The following PLXNA4 variants were observed in gnomAD, a reference collection of about 807,000 sequenced individuals.
PLXNA4 encodes plexin-A4.
Under a neutral mutation model 191.8 loss-of-function variants are expected in PLXNA4, and 44 were observed. The observed-to-expected ratio is 0.23, with a 90% CI of 0.18 to 0.29. The LOEUF is 0.29. Among genes scored for constraint, PLXNA4 ranks in the 10% least tolerant of loss-of-function variants. The probability of loss-of-function intolerance (pLI) is 1.00; values close to 1 mark genes in which losing one functional copy is unlikely to be tolerated. For synonymous variants in PLXNA4, 1,082 were observed against 1,009.5 expected (o/e 1.07, Z -1.36); for missense variants, 1,800 against 2,488.8 (o/e 0.72, Z 5.89).
At position 132,405,311 on chromosome 7, in the gene PLXNA4, C is replaced by T. The variant is rs536764387; in HGVS notation, c.1371+83981G>A. Among the ~76,000 whole-genome samples, 69 of 152,204 alleles carry T rather than the reference C, an allele frequency of 4.5e-4. No individual in the cohort carries two copies. In the South Asian group the frequency reaches 0.014, roughly 30 times the overall value. ...TTGGGTTCCTTGTACACTGATGAGG[C>T]AGGACTAGGCTGTGCCTACAGCTGC... On this transcript the variant is annotated intron_variant, in intron 3 of 31. Transcript: ENST00000321063.
intron 3 of PLXNA4, among the ~76,000 whole-genome samples, chr7:132,488,003 C>G (rs1187058314): frequency 2.0e-5 from 3 of 152,190 alleles, no homozygotes; most frequent in African/African-American, 7.2e-5. Flanking sequence ...ACACTGAAGG[C>G]GGTCCACTCA....
chr7:132,150,887 C>T (rs368625016), intron 25 of PLXNA4, among the ~76,000 whole-genome samples: 3 of 152,152 alleles, frequency 2.0e-5, no homozygotes, highest in Non-Finnish European at 2.9e-5. Context: ...ACAGCCTGGG[C>T]GGCCATACTC....
chr7:132,511,227 C>T (rs1335477618), intron 1 of PLXNA4, among the ~76,000 whole-genome samples: 1 of 152,204 alleles, frequency 6.6e-6, no homozygotes, highest in African/African-American at 2.4e-5. Context: ...CATGCAAATA[C>T]TTTCACATAG....
At chr7:132,135,061 C>T (rs1231141844) in intron 30 of PLXNA4, among the ~76,000 whole-genome samples, 1 of 152,176 alleles carries the variant, frequency 6.6e-6, no homozygotes, top group Admixed American at 6.5e-5. Context: ...TATAGTGGGA[C>T]ACCAGAGATT....
intron 4 of PLXNA4, among the ~76,000 whole-genome samples, chr7:132,266,069 C>T (rs1163438233): frequency 6.6e-6 from 1 of 152,170 alleles, no homozygotes; most frequent in Non-Finnish European, 1.5e-5. Context: ...AGCCTTGTTT[C>T]CCTATGTTCA....
intron 2 of PLXNA4, among the ~76,000 whole-genome samples, chr7:132,614,458 G>A (rs1328026983): frequency 4.6e-5 from 7 of 152,236 alleles, no homozygotes; most frequent in African/African-American, 1.7e-4. Flanking sequence ...GACAGCGGGT[G>A]AACTTGGAAC....
chr7:132,385,378 T>G, intron 3 of PLXNA4: 1 of 1,478,754 alleles, frequency 6.8e-7, no homozygotes, highest in Non-Finnish European at 9.0e-7. Context: ...TCCTCCTTTC[T>G]GTTTACAGTA....
At chr7:132,592,604 T>C (rs1802621957) in intron 2 of PLXNA4, among the ~76,000 whole-genome samples, 1 of 152,014 alleles carries the variant, frequency 6.6e-6, no homozygotes, top group Non-Finnish European at 1.5e-5. Context: ...GGGGTCCCCT[T>C]TAGCTCCCTT....
At chr7:132,515,950 C>T (rs1203964753) in intron 1 of PLXNA4, among the ~76,000 whole-genome samples, 1 of 152,194 alleles carries the variant, frequency 6.6e-6, no homozygotes, top group Non-Finnish European at 1.5e-5. Flanking sequence ...TATATTGCCC[C>T]TCTTTTCTCC....
chr7:132,539,680 C>T (rs1381045583), intron 1 of PLXNA4, among the ~76,000 whole-genome samples: 2 of 152,204 alleles, frequency 1.3e-5, no homozygotes, highest in Non-Finnish European at 2.9e-5. Context: ...GAACCTATTT[C>T]ACAGGGTTGT....
intron 1 of PLXNA4, among the ~76,000 whole-genome samples, chr7:132,525,256 T>C (rs1799353527): frequency 6.6e-6 from 1 of 152,200 alleles, no homozygotes; most frequent in Non-Finnish European, 1.5e-5. Context: ...GGTGTCTTTT[T>C]GTTTTGTTTT....
At chr7:132,249,106 G>C (rs1336569469) in intron 4 of PLXNA4, among the ~76,000 whole-genome samples, 1 of 152,276 alleles carries the variant, frequency 6.6e-6, no homozygotes, top group African/African-American at 2.4e-5. Flanking sequence ...CAGGGCATGA[G>C]GCTTGGGGAG....
chr7:132,510,912 C>G (rs1381121118), intron 1 of PLXNA4, among the ~76,000 whole-genome samples: 1 of 152,178 alleles, frequency 6.6e-6, no homozygotes. Context: ...GCCAGGATGT[C>G]ACTGGGAAGT....
intron 18 of PLXNA4, 112 bp downstream of exon 18, chr7:132,181,269 T>A: frequency 6.5e-7 from 1 of 1,538,464 alleles, no homozygotes; most frequent in Non-Finnish European, 8.8e-7. Context: ...CACTGCAACC[T>A]CTGCAAGAGA....
At chr7:132,256,428 T>TTTGGG (rs1799434088) in intron 4 of PLXNA4, among the ~76,000 whole-genome samples, 1 of 151,948 alleles carries the variant, frequency 6.6e-6, no homozygotes. Context: ...GTGGGGCTGG[T>TTTGGG]TTGGGTTGTG....
chr7:132,181,500 C>T lies in PLXNA4; in HGVS notation c.3373G>A (p.Val1125Ile), dbSNP rs544769667. 1.4e-5 allele frequency: 23 copies of T among 1,614,102 alleles called. No homozygotes were observed. In the Admixed American group the frequency reaches 1.5e-4, roughly 11 times the overall value. Reference sequence around the variant, plus strand: ...TTGTTGAGGATGAGCAGGGACTGGACGTTGTCCAGGATGAAGCCAAACTCC... The same window carrying T: ...TTGTTGAGGATGAGCAGGGACTGGATGTTGTCCAGGATGAAGCCAAACTCC... ...PEEFGFILDN[V>I]QSLLILNKTN... Residue 1125 changes from valine (V) to isoleucine (I), a missense_variant, in exon 18 of 32, where the codon GTC becomes ATC. Around this residue, in one of 6 missense-constraint regions of PLXNA4, gnomAD observed 1,397 missense variants for 1,880.4 expected, o/e 0.74. Coordinates refer to ENST00000321063, the MANE Select transcript of PLXNA4 (RefSeq NM_020911.2).
At chr7:132,544,303 C>T (rs769662817) in intron 1 of PLXNA4, among the ~76,000 whole-genome samples, 1 of 152,236 alleles carries the variant, frequency 6.6e-6, no homozygotes, top group African/African-American at 2.4e-5. Context: ...AATAGAGAAC[C>T]TACCCATGGT....
intron 3 of PLXNA4, among the ~76,000 whole-genome samples, chr7:132,403,870 C>T (rs1794100518): frequency 6.6e-6 from 1 of 152,118 alleles, no homozygotes; most frequent in South Asian, 2.1e-4. Context: ...GTCCTGTCCT[C>T]CTTCCAAGTA....
chr7:132,611,344 A>T (rs1803042627), intron 2 of PLXNA4, among the ~76,000 whole-genome samples: 1 of 152,188 alleles, frequency 6.6e-6, no homozygotes, highest in Non-Finnish European at 1.5e-5. Flanking sequence ...CCCTCAAAGT[A>T]ACAGCTCTTT....
Sources: allele counts gnomAD v4.1 joint callset (sites outside exome capture counted in the v4.1 genomes callset), GRCh38; gene constraint gnomAD v4.1.1; regional missense constraint gnomAD v4.1.1; transcripts MANE v1.5; gene names NCBI Gene and HGNC (gene_info 2026-07-23, HGNC 2026-07-21).